The following PELI2 variants were observed in gnomAD, a reference collection of about 807,000 sequenced individuals.
The protein encoded by PELI2 is E3 ubiquitin-protein ligase pellino homolog 2.
Under a neutral mutation model 42.3 loss-of-function variants are expected in PELI2, and 23 were observed. The ratio of observed to expected loss-of-function variants is 0.54; its 90% CI spans 0.39 to 0.77. The LOEUF is 0.77. Among genes scored for constraint, PELI2 ranks in the 30% least tolerant of loss-of-function variants. The pLI, the probability that PELI2 is intolerant of heterozygous loss-of-function variation, is 0.00. For missense variants in PELI2, 463 were observed against 553.2 expected (o/e 0.84, Z 1.64); for synonymous variants, 245 against 212.2 (o/e 1.15, Z -1.34).
chr14:56,173,763 C>T (rs1435376617), intron 1 of PELI2, among the ~76,000 whole-genome samples: 1 of 152,208 alleles, frequency 6.6e-6, no homozygotes, highest in African/African-American at 2.4e-5. Flanking sequence ...TCCCTGTGTA[C>T]CTCCTACAAA....
At chr14:56,275,474 T>A (rs558735085) in intron 2 of PELI2, among the ~76,000 whole-genome samples, 49 of 152,312 alleles carry the variant, frequency 3.2e-4, no homozygotes, top group African/African-American at 1.1e-3. Context: ...GAGTTTGTTT[T>A]CCAGCAACCA....
intron 1 of PELI2, among the ~76,000 whole-genome samples, chr14:56,171,876 C>T (rs1885182648): frequency 6.6e-6 from 1 of 152,082 alleles, no homozygotes. Flanking sequence ...AATAGCTGGG[C>T]ATGGTGGTGT....
chr14:56,270,818 C>T (rs540927142), intron 2 of PELI2, among the ~76,000 whole-genome samples: 19 of 152,254 alleles, frequency 1.2e-4, no homozygotes, highest in African/African-American at 4.6e-4. Context: ...TGGTGAGTAG[C>T]TGAACTCAGA....
At chr14:56,123,470 A>T (rs1883137210) in intron 1 of PELI2, among the ~76,000 whole-genome samples, 1 of 152,130 alleles carries the variant, frequency 6.6e-6, no homozygotes, top group South Asian at 2.1e-4. Flanking sequence ...GTTTGTGTGG[A>T]TGGAGTGTCT....
At chr14:56,181,892 G>GT (rs1885599310) in intron 2 of PELI2, among the ~76,000 whole-genome samples, 1 of 151,682 alleles carries the variant, frequency 6.6e-6, no homozygotes, top group Non-Finnish European at 1.5e-5. Context: ...TAAAAGTCCT[G>GT]TTTTACTTCT....
chr14:56,120,827 G>A (rs1336322529), intron 1 of PELI2, among the ~76,000 whole-genome samples: 3 of 152,220 alleles, frequency 2.0e-5, no homozygotes, highest in African/African-American at 7.2e-5. Context: ...GCTGGAAGGT[G>A]AGGGAAGTTC....
At chr14:56,281,727 C>T (rs997514892) in intron 3 of PELI2, among the ~76,000 whole-genome samples, 5 of 151,928 alleles carry the variant, frequency 3.3e-5, no homozygotes, top group African/African-American at 1.2e-4. Flanking sequence ...AAAATACCTA[C>T]AATCAGATAG....
At position 56,168,324 on chromosome 14, in the gene PELI2, A is replaced by G. The variant is rs554218954; in HGVS notation, c.78-10011A>G. On this transcript the variant is annotated intron_variant, in intron 1 of 5. Transcript: ENST00000267460. ...GCCCTGATGTCAGGGACTAGAGTCA[A>G]AAACCTTAGAAGTCTACCTGGTGTT... Among the ~76,000 whole-genome samples, 4 of 152,310 alleles carry G rather than the reference A, an allele frequency of 2.6e-5. No individual in the cohort carries two copies. In the South Asian group the frequency reaches 8.3e-4, roughly 32 times the overall value.
intron 1 of PELI2, among the ~76,000 whole-genome samples, chr14:56,151,740 T>C (rs1161008166): frequency 6.6e-6 from 1 of 152,238 alleles, no homozygotes; most frequent in African/African-American, 2.4e-5. Flanking sequence ...TAGTAAGTTA[T>C]AGTTACTATC....
intron 3 of PELI2, among the ~76,000 whole-genome samples, chr14:56,285,715 T>A (rs1353556418): frequency 6.6e-6 from 1 of 152,002 alleles, no homozygotes; most frequent in East Asian, 1.9e-4. Context: ...GGAAGCTCAA[T>A]TGGAGTGGGT....
rs1885536190 is a variant in PELI2, at chr14:56,180,386, G to A, written c.207+1922G>A. ...TTATAGGCTAGCCCTCAGAATCAGA[G>A]AAAAGTTGAGTAACCAGGTTTTGAG... On this transcript the variant is annotated intron_variant, in intron 2 of 5. Coordinates refer to ENST00000267460, the MANE Select transcript of PELI2 (RefSeq NM_021255.3). The surrounding 1 kb of genome is among the most constrained non-coding windows in gnomAD (Gnocchi z 4.4). Among the ~76,000 whole-genome samples, 1 of 152,156 alleles carries A rather than the reference G, an allele frequency of 6.6e-6. No individual in the cohort carries two copies. Among genetic ancestry groups the A allele is most frequent in the Non-Finnish European group, 1.5e-5 (1 of 68,024 alleles).
chr14:56,273,180 T>C lies in PELI2; in HGVS notation c.208-6496T>C, dbSNP rs1226351504. Among the ~76,000 whole-genome samples, 2 of 152,242 alleles carry C rather than the reference T, an allele frequency of 1.3e-5. No homozygotes were observed. Among genetic ancestry groups the C allele is most frequent in the African/African-American group, 2.4e-5 (1 of 41,474 alleles). On this transcript the variant is annotated intron_variant, in intron 2 of 5. Coordinates refer to ENST00000267460, the MANE Select transcript of PELI2 (RefSeq NM_021255.3). This position sits in a 1 kb window ranked among gnomAD's most constrained non-coding sequence, Gnocchi z 4.3. ...CTTCTCCATGCACATGTCTGCATCT[T>C]GGTGCTCCCAGGCCTCCCTATCCCC...
chr14:56,129,982 C>T (rs1044565982), intron 1 of PELI2, among the ~76,000 whole-genome samples: 1 of 152,134 alleles, frequency 6.6e-6, no homozygotes, highest in African/African-American at 2.4e-5. Context: ...CAGGGTGCTC[C>T]TTTTGAATTG....
rs559326501 is a variant in PELI2 at position 56,193,030 on chromosome 14, A to G, written c.207+14566A>G. ...TGAATGCATATCTGACTCTTCCGAC[A>G]AGTTCCTTTGCCTTCAGTAACTCTG... On this transcript the variant is annotated intron_variant, in intron 2 of 5. Coordinates refer to ENST00000267460, the MANE Select transcript of PELI2 (RefSeq NM_021255.3). Among the ~76,000 whole-genome samples, 4 of 152,332 alleles carry G rather than the reference A, an allele frequency of 2.6e-5. No homozygotes were observed. The South Asian group carries it at 8.3e-4, about 32-fold the overall frequency.
intron 2 of PELI2, among the ~76,000 whole-genome samples, chr14:56,207,432 A>G (rs377305623): frequency 6.6e-6 from 1 of 152,286 alleles, no homozygotes; most frequent in East Asian, 1.9e-4. Context: ...ACTACCCACA[A>G]GGGATTTATA....
At chr14:56,134,218 C>T (rs942351449) in intron 1 of PELI2, among the ~76,000 whole-genome samples, 2 of 152,166 alleles carry the variant, frequency 1.3e-5, no homozygotes, top group African/African-American at 4.8e-5. Context: ...GTCATGAGTA[C>T]AGAGATGTGG....
At chr14:56,140,326 T>C (rs1883860260) in intron 1 of PELI2, among the ~76,000 whole-genome samples, 1 of 152,222 alleles carries the variant, frequency 6.6e-6, no homozygotes, top group African/African-American at 2.4e-5. Context: ...ATTACAACCA[T>C]ATCTATGGTC....
intron 1 of PELI2, among the ~76,000 whole-genome samples, chr14:56,152,000 A>G (rs1038449249): frequency 1.3e-5 from 2 of 152,070 alleles, no homozygotes; most frequent in African/African-American, 2.4e-5. Context: ...TCATGCTGTT[A>G]CTCCCAGGTA....
chr14:56,262,965 C>T (rs1888766783), intron 2 of PELI2, among the ~76,000 whole-genome samples: 1 of 151,944 alleles, frequency 6.6e-6, no homozygotes, highest in African/African-American at 2.4e-5. Flanking sequence ...TATAAATTTT[C>T]TACACTCTGA....
Sources: gnomAD v4.1 joint callset for allele counts (sites outside exome capture counted in the v4.1 genomes callset) on GRCh38, gnomAD v4.1.1 for gene constraint, Gnocchi (gnomAD v3.1) non-coding constraint, MANE v1.5 for transcripts, NCBI Gene and HGNC (gene_info 2026-07-23, HGNC 2026-07-21) for gene names.